The following CTNNA3 variants were observed in gnomAD, a reference collection of about 807,000 sequenced individuals.
CTNNA3 encodes catenin alpha 3.
CTNNA3 carries 76 observed loss-of-function variants against 95.7 expected under a neutral mutation model. The observed-to-expected ratio is 0.79, with a 90% confidence interval of 0.66 to 0.96. The LOEUF is 0.96. CTNNA3 is among the 40% of genes least tolerant of loss of function. The probability of loss-of-function intolerance (pLI) is 0.00; values close to 1 mark genes in which losing one functional copy is unlikely to be tolerated. For synonymous variants in CTNNA3, 431 were observed against 374.4 expected (o/e 1.15, Z -1.74); for missense variants, 1,191 against 1,089.8 (o/e 1.09, Z -1.31).
intron 10 of CTNNA3, among the ~76,000 whole-genome samples, chr10:66,544,133 T>C (rs80279538): frequency 0.022 from 3,392 of 151,908 alleles, 120 homozygotes; most frequent in African/African-American, 0.078. Flanking sequence ...AAGGCTTCAT[T>C]GGCTATTATG....
chr10:66,597,672 T>C (rs755539767), intron 10 of CTNNA3, among the ~76,000 whole-genome samples: 2 of 150,646 alleles, frequency 1.3e-5, no homozygotes, highest in Admixed American at 6.6e-5. Flanking sequence ...AGATTATCAG[T>C]TGGTTTTTGT....
rs190553408 is a variant in CTNNA3, at chr10:66,861,391, G to A, written c.1048-85867C>T. On this transcript the variant is annotated intron_variant, in intron 7 of 17. Transcript: ENST00000433211. ...CCACATCCCAAAGCTGTGCACATTC[G>A]GTTCACTGACATATTAAAACTGTCC... Among the ~76,000 whole-genome samples, 21 of 152,158 alleles carry A rather than the reference G, an allele frequency of 1.4e-4. No individual in the cohort carries two copies. In the East Asian group the frequency reaches 1.7e-3, roughly 13 times the overall value.
chr10:66,790,271 A>G (rs1249816036), intron 7 of CTNNA3, among the ~76,000 whole-genome samples: 1 of 152,130 alleles, frequency 6.6e-6, no homozygotes, highest in African/African-American at 2.4e-5. Context: ...CAACATGGTG[A>G]AACCCTGTCT....
intron 3 of CTNNA3, among the ~76,000 whole-genome samples, chr10:67,584,697 G>A (rs1436242516): frequency 6.6e-6 from 1 of 152,214 alleles, no homozygotes; most frequent in Non-Finnish European, 1.5e-5. Flanking sequence ...AGGCCTCCTT[G>A]AGCTGCAGTG....
In CTNNA3 at chr10:66,613,006, G is replaced by A. The variant is rs151152746; in HGVS notation, c.1374+8686C>T. On this transcript the variant is annotated intron_variant, in intron 10 of 17. Transcript: ENST00000433211. ...CAAGGCTCTACCTTTATTTTCCTCCGTGACTAGAAGAACATTGTACAGGCC... is the reference window on the plus strand; with the variant it reads ...CAAGGCTCTACCTTTATTTTCCTCCATGACTAGAAGAACATTGTACAGGCC... 2.9e-3 allele frequency among the ~76,000 whole-genome samples: 440 copies of A among 151,754 alleles called. 1 individual carries two copies. The highest frequency in any genetic ancestry group is 9.9e-3 in the African/African-American group (411 of 41,366).
intron 10 of CTNNA3, among the ~76,000 whole-genome samples, chr10:66,585,584 T>A (rs976920204): frequency 6.6e-6 from 1 of 152,010 alleles, no homozygotes; most frequent in Non-Finnish European, 1.5e-5. Flanking sequence ...TAGAAAAGTT[T>A]TCATTCATGT....
rs1235718673 is a variant in CTNNA3, at chr10:66,481,309, T to TA, written c.1531+39307dup. Among the ~76,000 whole-genome samples the TA allele has an allele frequency of 2.0e-5, 3 of 152,232 alleles. No individual in the cohort carries two copies. In the East Asian group the frequency reaches 5.8e-4, roughly 29 times the overall value. On this transcript the variant is annotated intron_variant, in intron 11 of 17. Coordinates refer to ENST00000433211, the MANE Select transcript of CTNNA3 (RefSeq NM_013266.4). ...TTAATTTGATTTGCTGTAGATTATT[T>TA]AAAAATCAGATATTATTGACAAAAC... is the stretch of plus-strand genomic sequence containing the variant.
chr10:66,910,858 A>C (rs1846193056), intron 7 of CTNNA3, among the ~76,000 whole-genome samples: 2 of 152,246 alleles, frequency 1.3e-5, no homozygotes, highest in African/African-American at 4.8e-5. Context: ...ATGAGTCGCT[A>C]TTTAACCAGA....
intron 12 of CTNNA3, among the ~76,000 whole-genome samples, chr10:66,289,052 T>C (rs1196728391): frequency 6.6e-6 from 1 of 152,060 alleles, no homozygotes; most frequent in Non-Finnish European, 1.5e-5. Flanking sequence ...TTGAAGTTTA[T>C]GGGATTCTAC....
At chr10:66,307,168 T>C (rs1334569537) in intron 12 of CTNNA3, among the ~76,000 whole-genome samples, 1 of 152,176 alleles carries the variant, frequency 6.6e-6, no homozygotes, top group Non-Finnish European at 1.5e-5. Context: ...TAGTTTCTGT[T>C]AAACATGTGA....
intron 15 of CTNNA3, among the ~76,000 whole-genome samples, chr10:66,049,120 G>A (rs1300087414): frequency 2.0e-5 from 3 of 152,036 alleles, no homozygotes; most frequent in Non-Finnish European, 4.4e-5. Context: ...TTAAAAAGTG[G>A]GCAAAAGATA....
At chr10:66,129,641 C>A (rs112375989) in intron 13 of CTNNA3, among the ~76,000 whole-genome samples, 57 of 152,276 alleles carry the variant, frequency 3.7e-4, no homozygotes, top group African/African-American at 1.3e-3. Context: ...GGGCCCCAGC[C>A]TGGCCGTGCC....
At chr10:66,899,842 G>A (rs1845660286) in intron 7 of CTNNA3, among the ~76,000 whole-genome samples, 1 of 152,088 alleles carries the variant, frequency 6.6e-6, no homozygotes, top group African/African-American at 2.4e-5. Flanking sequence ...AAACAAAGCA[G>A]CCAGGAAGCT....
chr10:66,588,660 ATT>A (rs1843442640), intron 10 of CTNNA3, among the ~76,000 whole-genome samples: 4 of 152,104 alleles, frequency 2.6e-5, no homozygotes, highest in Admixed American at 2.0e-4. Context: ...CATTTATCTA[ATT>A]ATCCCATCAC....
In CTNNA3 at chr10:67,037,584, T is replaced by G. The variant is rs529410269; in HGVS notation, c.1047+142733A>C. Among the ~76,000 whole-genome samples, 7 of 152,226 alleles carry G rather than the reference T, an allele frequency of 4.6e-5. No individual in the cohort carries two copies. In the South Asian group the frequency reaches 1.2e-3, roughly 27 times the overall value. On this transcript the variant is annotated intron_variant, in intron 7 of 17. Coordinates refer to ENST00000433211, the MANE Select transcript of CTNNA3 (RefSeq NM_013266.4). ...GAGATTTGAATGAAGTATGACTGGA[T>G]GCAAGGAGATGAATTAGAAAGCTGT...
rs546254620 is a variant in CTNNA3, at chr10:66,126,700, T to C, written c.1885-23451A>G. 7.2e-5 allele frequency among the ~76,000 whole-genome samples: 11 copies of C among 152,290 alleles called. No individual in the cohort carries two copies. The East Asian group carries it at 1.9e-3, about 27-fold the overall frequency. On this transcript the variant is annotated intron_variant, in intron 13 of 17. Transcript: ENST00000433211. ...ACACTGAAAGAGTTGTCAATAGCCA[T>C]ATCTGGAATAATTTGAGCAGTAAAA...
At chr10:66,346,244 TATAG>T (rs1374207842) in intron 12 of CTNNA3, among the ~76,000 whole-genome samples, 2 of 9,038 alleles carry the variant, frequency 2.2e-4, no homozygotes, top group African/African-American at 7.0e-4. Flanking sequence ...TATATATATA[TATAG>T]AGAGAGAGAG....
chr10:67,580,437 A>C (rs367958177), intron 3 of CTNNA3, among the ~76,000 whole-genome samples: 15 of 151,712 alleles, frequency 9.9e-5, no homozygotes, highest in African/African-American at 3.2e-4. Context: ...TGGTACCAGT[A>C]CCATGCTGTT....
intron 5 of CTNNA3, among the ~76,000 whole-genome samples, chr10:67,462,288 G>T (rs1005078321): frequency 1.3e-5 from 2 of 152,198 alleles, no homozygotes; most frequent in Non-Finnish European, 2.9e-5. Flanking sequence ...AGGAGATGCT[G>T]TAAGTCAGCA....
Sources: allele counts gnomAD v4.1 joint callset (sites outside exome capture counted in the v4.1 genomes callset), GRCh38; gene constraint gnomAD v4.1.1; transcripts MANE v1.5; gene names NCBI Gene and HGNC (gene_info 2026-07-23, HGNC 2026-07-21).